FBN2: variants seen among roughly 807,000 people sequenced by gnomAD.
The protein encoded by FBN2 is fibrillin-2.
Under a neutral mutation model 355.6 loss-of-function variants are expected in FBN2, and 105 were observed. That is an observed-to-expected ratio of 0.30 (90% CI 0.25 to 0.35). The LOEUF (loss-of-function observed/expected upper bound fraction) is 0.35. FBN2 is among the 10% of genes least tolerant of loss of function. FBN2 has a pLI of 1.00. For synonymous variants in FBN2, 1,350 were observed against 1,301.2 expected, an observed-to-expected ratio of 1.04 and a Z score of -0.81; for missense variants, 3,280 against 3,758.7, an observed-to-expected ratio of 0.87 and a Z score of 3.33.
intron 11 of FBN2, among the ~76,000 whole-genome samples, chr5:128,387,490 C>T (rs1033881714): frequency 1.3e-5 from 2 of 152,070 alleles, no homozygotes; most frequent in South Asian, 2.1e-4. Context: ...TTGGTTATTT[C>T]TTTTCTTCTG....
chr5:128,263,409 C>T lies in FBN2; in HGVS notation c.8192+16G>A. 2 of 1,588,590 alleles carry T rather than the reference C, an allele frequency of 1.3e-6. No individual in the cohort carries two copies. The highest frequency in any genetic ancestry group is 1.7e-6 in the Non-Finnish European group (2 of 1,156,840). On this transcript the variant is annotated intron_variant, in intron 63 of 64. Coordinates refer to ENST00000262464, the MANE Select transcript of FBN2 (RefSeq NM_001999.4). ...CCATGTATTCCTCTATGTGCTGAGG[C>T]TGAAGGCCGCCTTACCCTTGTCCCA...
At chr5:128,361,935 T>C (rs1007681602) in intron 18 of FBN2, 87 bp from the exon 19 acceptor site, 54 of 1,324,848 alleles carry the variant, frequency 4.1e-5, no homozygotes, top group Non-Finnish European at 5.7e-5. Flanking sequence ...TTATTTGTTT[T>C]ATTTCCCTCT....
intron 9 of FBN2, 148 bp from the exon 10 acceptor site, chr5:128,393,516 C>A: frequency 1.5e-6 from 1 of 656,634 alleles, no homozygotes; most frequent in Non-Finnish European, 2.6e-6. Context: ...GTTTTTAATG[C>A]TGGCAGTAGC....
intron 5 of FBN2, among the ~76,000 whole-genome samples, chr5:128,475,923 TAAC>T: frequency 6.6e-6 from 1 of 152,162 alleles, no homozygotes; most frequent in Middle Eastern, 3.2e-3. Flanking sequence ...CCTGAAATGA[TAAC>T]AACAGGAACT....
chr5:128,262,578 C>G (rs1765002774), intron 63 of FBN2, among the ~76,000 whole-genome samples: 1 of 152,172 alleles, frequency 6.6e-6, no homozygotes, highest in Non-Finnish European at 1.5e-5. Flanking sequence ...CTGCTTGCAA[C>G]AAAGCTCCCT....
intron 6 of FBN2, among the ~76,000 whole-genome samples, chr5:128,454,340 T>C (rs566793983): frequency 6.6e-6 from 1 of 152,352 alleles, no homozygotes; most frequent in East Asian, 1.9e-4. Context: ...GTTTCTATAA[T>C]TGAGTTTGCT....
chr5:128,378,025 T>G (rs75886921), intron 12 of FBN2, 148 bp from the exon 13 acceptor site: 8 of 791,388 alleles, frequency 1.0e-5, no homozygotes, highest in Non-Finnish European at 1.6e-5. Context: ...TTTTTTTTTT[T>G]GGATAGGTAG....
chr5:128,372,001 A>T (rs1751956807), intron 15 of FBN2, among the ~76,000 whole-genome samples: 1 of 152,234 alleles, frequency 6.6e-6, no homozygotes, highest in African/African-American at 2.4e-5. Context: ...TCTTAAGACT[A>T]TGACCTAGAT....
intron 7 of FBN2, among the ~76,000 whole-genome samples, chr5:128,438,768 A>AC (rs148841737): frequency 5.5e-4 from 83 of 152,134 alleles, no homozygotes; most frequent in East Asian, 4.1e-3. Context: ...GGGTCTTCCC[A>AC]CCCCCAACCT....
At chr5:128,531,743 C>T (rs574929708) in intron 2 of FBN2, among the ~76,000 whole-genome samples, 59 of 146,336 alleles carry the variant, frequency 4.0e-4, no homozygotes, top group Non-Finnish European at 6.6e-4. Flanking sequence ...TATATATATA[C>T]ACACACATAT....
rs1581251809 is a variant in FBN2 at position 128,378,852 on chromosome 5, C to A, written c.1642G>T (p.Asp548Tyr). The part of the protein sequence containing the change: ...ECTSNPCTNG[D>Y]CVNTPGSYYC... ...TAGGAACCAGGTGTGTTAACACAAT[C>A]TCCATTAGTGCAGGGATTTGATGTG... The change falls in exon 12 of 65, where the codon GAT becomes TAT. Residue 548 changes from aspartate to tyrosine, a missense_variant. Asp to Tyr is a radical substitution (Grantham distance 160, BLOSUM62 -3). Coordinates refer to ENST00000262464, the MANE Select transcript of FBN2 (RefSeq NM_001999.4). 1 of 1,613,182 alleles carries A rather than the reference C, an allele frequency of 6.2e-7. No homozygotes were observed. Among genetic ancestry groups the A allele is most frequent in the Non-Finnish European group, 8.5e-7 (1 of 1,179,326 alleles).
chr5:128,379,930 G>T (rs1182973080), intron 11 of FBN2, among the ~76,000 whole-genome samples: 2 of 152,040 alleles, frequency 1.3e-5, no homozygotes, highest in Non-Finnish European at 2.9e-5. Context: ...TTAATAAGCA[G>T]ATTCCTACTT....
intron 4 of FBN2, among the ~76,000 whole-genome samples, chr5:128,527,486 C>T (rs909571386): frequency 6.6e-6 from 1 of 151,684 alleles, no homozygotes; most frequent in African/African-American, 2.4e-5. Context: ...AAAGAGGGAA[C>T]TGGAGAGGGA....
At chr5:128,404,685 G>A (rs1233207997) in intron 8 of FBN2, among the ~76,000 whole-genome samples, 3 of 152,178 alleles carry the variant, frequency 2.0e-5, no homozygotes, top group African/African-American at 7.2e-5. Flanking sequence ...AAAGCCCAGG[G>A]TCCATGAAGC....
chr5:128,427,339 A>C (rs1298699265), intron 7 of FBN2, among the ~76,000 whole-genome samples: 1 of 151,916 alleles, frequency 6.6e-6, no homozygotes, highest in African/African-American at 2.4e-5. Context: ...GGAAGTTAGA[A>C]TAATGAGATT....
At chr5:128,333,247 A>G (rs1338152432) in intron 31 of FBN2, among the ~76,000 whole-genome samples, 1 of 152,200 alleles carries the variant, frequency 6.6e-6, no homozygotes, top group African/African-American at 2.4e-5. Context: ...CCTAGAAACA[A>G]CTGTCAGCCA....
chr5:128,350,610 A>T (rs1751327671), intron 21 of FBN2, among the ~76,000 whole-genome samples: 1 of 152,222 alleles, frequency 6.6e-6, no homozygotes, highest in Non-Finnish European at 1.5e-5. Flanking sequence ...CAAGGATACC[A>T]GAGGATACAG....
chr5:128,261,714 A>T (rs763734676), intron 64 of FBN2, 22 bp downstream of exon 64: 6 of 1,613,254 alleles, frequency 3.7e-6, no homozygotes, highest in Non-Finnish European at 4.2e-6. Context: ...TTTTGTGGCA[A>T]CACAGAGTGG....
At chr5:128,379,543 A>G (rs1263141396) in intron 11 of FBN2, among the ~76,000 whole-genome samples, 3 of 152,144 alleles carry the variant, frequency 2.0e-5, no homozygotes, top group Non-Finnish European at 2.9e-5. Flanking sequence ...GATTTGTTGC[A>G]TAAAATGAAG....
Sources: gnomAD v4.1 joint callset for allele counts (sites outside exome capture counted in the v4.1 genomes callset) on GRCh38, gnomAD v4.1.1 for gene constraint, MANE v1.5 for transcripts, NCBI Gene and HGNC (gene_info 2026-07-23, HGNC 2026-07-21) for gene names.